The following TMEM117 variants were observed in gnomAD, a reference collection of about 807,000 sequenced individuals.
The protein encoded by TMEM117 is transmembrane protein 117.
In TMEM117, 27 loss-of-function variants were observed where a neutral mutation model predicts 52.4. The observed-to-expected ratio is 0.51, with a 90% CI of 0.38 to 0.71. TMEM117 has a LOEUF of 0.71. Ranked by LOEUF, TMEM117 falls within the 30% of genes least tolerant of loss-of-function variation. TMEM117 has a pLI of 0.00. For missense variants in TMEM117, 556 were observed against 630.5 expected, an observed-to-expected ratio of 0.88 and a Z score of 1.26; for synonymous variants, 215 against 206.3, an observed-to-expected ratio of 1.04 and a Z score of -0.36.
intron 2 of TMEM117, among the ~76,000 whole-genome samples, chr12:43,936,948 C>G (rs771306465): frequency 2.0e-5 from 3 of 151,922 alleles, no homozygotes; most frequent in Non-Finnish European, 2.9e-5. Flanking sequence ...CTTAAGAGGC[C>G]TCAGAGGTGG....
chr12:43,848,340 G>A (rs1253825381), intron 2 of TMEM117, among the ~76,000 whole-genome samples: 1 of 151,962 alleles, frequency 6.6e-6, no homozygotes, highest in Non-Finnish European at 1.5e-5. Context: ...AGGAGACCAG[G>A]GCTTATCTCA....
intron 7 of TMEM117, among the ~76,000 whole-genome samples, chr12:44,386,427 T>C (rs73092506): frequency 0.034 from 5,105 of 152,250 alleles, 102 homozygotes; most frequent in Middle Eastern, 0.13. Flanking sequence ...AAAAAAATCA[T>C]TCAGGCAAGA....
chr12:44,139,644 T>G (rs901964281), intron 3 of TMEM117, among the ~76,000 whole-genome samples: 2 of 152,070 alleles, frequency 1.3e-5, no homozygotes, highest in South Asian at 4.1e-4. Flanking sequence ...ATTTTCTAGA[T>G]AGTGGAAAAA....
intron 3 of TMEM117, chr12:44,008,699 T>C (rs1178051569): frequency 1.5e-5 from 5 of 326,736 alleles, no homozygotes; most frequent in African/African-American, 1.1e-4. Context: ...CCTACTAAAG[T>C]TTCTTCTGCA....
intron 3 of TMEM117, among the ~76,000 whole-genome samples, chr12:44,024,613 A>G (rs1946503786): frequency 7.1e-6 from 1 of 141,700 alleles, no homozygotes; most frequent in Admixed American, 7.0e-5. Flanking sequence ...GGTGGGAGGA[A>G]GAGAGAAGGC....
intron 7 of TMEM117, among the ~76,000 whole-genome samples, chr12:44,387,611 C>G (rs192857331): frequency 1.8e-4 from 28 of 152,206 alleles, no homozygotes; most frequent in Admixed American, 7.2e-4. Context: ...CTTGCCCAGA[C>G]ATAATTATAA....
intron 2 of TMEM117, among the ~76,000 whole-genome samples, chr12:43,928,391 A>G (rs1224511498): frequency 6.6e-6 from 1 of 151,842 alleles, no homozygotes; most frequent in Non-Finnish European, 1.5e-5. Flanking sequence ...TCACCTCTGG[A>G]ATTAGGTTCA....
intron 2 of TMEM117, among the ~76,000 whole-genome samples, chr12:43,931,756 G>C (rs951991931): frequency 6.6e-6 from 1 of 152,126 alleles, no homozygotes; most frequent in Non-Finnish European, 1.5e-5. Flanking sequence ...GAATTCTGAG[G>C]ATTTAAATAA....
rs143364626 is a variant in TMEM117, at chr12:44,389,531, C to T, written c.*859C>T. On this transcript the variant is annotated 3_prime_UTR_variant, in exon 8 of 8. Transcript: ENST00000266534. The stretch of plus-strand genomic sequence containing the variant: ...TGAGAGCAGCACATCCCACCATTTA[C>T]AATATTCGTATATCTTTCTGCAAAT... 1.6e-3 allele frequency: 239 copies of T among 152,552 alleles called. 1 individual carries two copies. Among genetic ancestry groups the T allele is most frequent in the African/African-American group, 5.5e-3 (230 of 41,528 alleles). 9.4% of individuals were successfully genotyped at this position (152,552 alleles called of 1,614,324 possible).
chr12:43,804,932 T>C, the TMEM117 span, among the ~76,000 whole-genome samples: 1 of 152,240 alleles, frequency 6.6e-6, no homozygotes, highest in African/African-American at 2.4e-5. Context: ...TTTCATTCTC[T>C]AATTCAGTTT....
At chr12:44,307,896 CT>C (rs1368015562) in intron 6 of TMEM117, among the ~76,000 whole-genome samples, 3 of 152,194 alleles carry the variant, frequency 2.0e-5, no homozygotes, top group Non-Finnish European at 4.4e-5. Flanking sequence ...CAGGCAAAAA[CT>C]TTTAGGATTC....
chr12:43,955,846 C>T (rs991392943), intron 3 of TMEM117, among the ~76,000 whole-genome samples: 1 of 152,088 alleles, frequency 6.6e-6, no homozygotes, highest in African/African-American at 2.4e-5. Flanking sequence ...CAGTTGTAAG[C>T]AAGAAGAACA....
At chr12:44,319,226 G>A (rs574485378) in intron 6 of TMEM117, among the ~76,000 whole-genome samples, 1 of 152,254 alleles carries the variant, frequency 6.6e-6, no homozygotes, top group East Asian at 1.9e-4. Context: ...GTATGCACCT[G>A]GATTAAAAAT....
the TMEM117 span, among the ~76,000 whole-genome samples, chr12:43,808,414 A>G: frequency 6.6e-6 from 1 of 152,134 alleles, no homozygotes; most frequent in Admixed American, 6.5e-5. Flanking sequence ...TGGCTGGTTT[A>G]CCCAATATAC....
intron 2 of TMEM117, among the ~76,000 whole-genome samples, chr12:43,876,063 C>T (rs554687990): frequency 6.6e-5 from 10 of 152,350 alleles, no homozygotes; most frequent in East Asian, 5.8e-4. Context: ...TTCTTCCTCT[C>T]CTCCAAGATG....
chr12:44,348,382 AT>A (rs914700815), intron 6 of TMEM117, among the ~76,000 whole-genome samples: 1 of 151,650 alleles, frequency 6.6e-6, no homozygotes, highest in Non-Finnish European at 1.5e-5. Context: ...GGGTTTTATT[AT>A]TTTGACCCTT....
At chr12:43,969,533 A>T (rs1157111583) in intron 3 of TMEM117, among the ~76,000 whole-genome samples, 1 of 145,790 alleles carries the variant, frequency 6.9e-6, no homozygotes, top group Admixed American at 6.8e-5. Context: ...AAAAAATAAT[A>T]ATAATAATTT....
intron 6 of TMEM117, among the ~76,000 whole-genome samples, chr12:44,329,674 C>T (rs1347697127): frequency 1.3e-5 from 2 of 152,066 alleles, no homozygotes; most frequent in Admixed American, 6.6e-5. Context: ...ATTCCTTTCT[C>T]CCCTTGTGCC....
At chr12:44,038,457 C>T (rs555752052) in intron 3 of TMEM117, among the ~76,000 whole-genome samples, 1 of 152,318 alleles carries the variant, frequency 6.6e-6, no homozygotes, top group East Asian at 1.9e-4. Flanking sequence ...CCACCACAGC[C>T]AGTGTGCATG....
Sources: gnomAD v4.1 joint callset for allele counts (sites outside exome capture counted in the v4.1 genomes callset) on GRCh38, gnomAD v4.1.1 for gene constraint, MANE v1.5 for transcripts, NCBI Gene and HGNC (gene_info 2026-07-23, HGNC 2026-07-21) for gene names.